MCTP2: variants seen among roughly 807,000 people sequenced by gnomAD.
MCTP2 encodes multiple C2 and transmembrane domain containing 2.
Under a neutral mutation model 111.6 loss-of-function variants are expected in MCTP2, and 132 were observed. The observed-to-expected ratio is 1.18, with a 90% confidence interval of 1.03 to 1.37. MCTP2 has a LOEUF of 1.37. MCTP2 is among the 40% of genes most tolerant of loss of function. The pLI, the probability that MCTP2 is intolerant of heterozygous loss-of-function variation, is 0.00. For missense variants in MCTP2, 1,183 were observed against 1,067.9 expected, an observed-to-expected ratio of 1.11 and a Z score of -1.50; for synonymous variants, 395 against 387.7, an observed-to-expected ratio of 1.02 and a Z score of -0.22.
At chr15:94,422,508 C>CA (rs1185624784) in intron 17 of MCTP2, among the ~76,000 whole-genome samples, 2 of 152,200 alleles carry the variant, frequency 1.3e-5, no homozygotes, top group Non-Finnish European at 2.9e-5. Flanking sequence ...CAGTGACTGT[C>CA]AGAGTGAAAC....
intron 1 of MCTP2, among the ~76,000 whole-genome samples, chr15:94,269,034 TA>T (rs1476858722): frequency 1.3e-5 from 2 of 152,202 alleles, no homozygotes; most frequent in African/African-American, 4.8e-5. Flanking sequence ...AGCATTATAC[TA>T]TTTTAATAAT....
chr15:94,446,673 G>A (rs1197814778), intron 19 of MCTP2, among the ~76,000 whole-genome samples: 1 of 152,144 alleles, frequency 6.6e-6, no homozygotes, highest in East Asian at 1.9e-4. Context: ...ATTAACATCA[G>A]GAAGAAGGAA....
intron 10 of MCTP2, among the ~76,000 whole-genome samples, chr15:94,361,564 C>T (rs1197312547): frequency 6.6e-6 from 1 of 152,156 alleles, no homozygotes; most frequent in Non-Finnish European, 1.5e-5. Context: ...CCCTTGCGCA[C>T]TCTGATGGTA....
intron 17 of MCTP2, among the ~76,000 whole-genome samples, chr15:94,436,396 A>G (rs904423794): frequency 1.5e-4 from 23 of 152,118 alleles, no homozygotes; most frequent in African/African-American, 5.3e-4. Flanking sequence ...TGGGGTTTAT[A>G]TTTGCTTTCC....
chr15:94,320,113 G>A (rs564149272), intron 4 of MCTP2, among the ~76,000 whole-genome samples: 3 of 149,540 alleles, frequency 2.0e-5, no homozygotes, highest in South Asian at 4.3e-4. Flanking sequence ...TCTTAGTGCT[G>A]TATTAGGAGG....
At chr15:94,266,227 A>G (rs1305709623) in intron 1 of MCTP2, among the ~76,000 whole-genome samples, 1 of 152,244 alleles carries the variant, frequency 6.6e-6, no homozygotes, top group Non-Finnish European at 1.5e-5. Context: ...TCACTGATCT[A>G]TGGATTATGT....
intron 1 of MCTP2, among the ~76,000 whole-genome samples, chr15:94,296,654 G>A (rs1596292316): frequency 6.6e-6 from 1 of 152,334 alleles, no homozygotes; most frequent in Middle Eastern, 3.4e-3. Context: ...ATCAGACACT[G>A]TGCTTTCTAC....
chr15:94,375,205 C>A (rs771576135), intron 12 of MCTP2, among the ~76,000 whole-genome samples: 2 of 152,114 alleles, frequency 1.3e-5, no homozygotes, highest in Admixed American at 1.3e-4. Context: ...ATAACCAGAT[C>A]TCTTGAGAAC....
At chr15:94,459,433 C>G (rs74031259) in intron 20 of MCTP2, among the ~76,000 whole-genome samples, 25,240 of 152,034 alleles carry the variant, frequency 0.17, 2,323 homozygotes, top group Non-Finnish European at 0.21. Flanking sequence ...CTCGAATGCC[C>G]ATTTATTATA....
intron 1 of MCTP2, among the ~76,000 whole-genome samples, chr15:94,294,109 C>T (rs2075151676): frequency 6.6e-6 from 1 of 152,178 alleles, no homozygotes; most frequent in Non-Finnish European, 1.5e-5. Context: ...AGAAGCCTGT[C>T]TCTAAAAGTT....
In MCTP2 at chr15:94,257,569, G is replaced by GTTTTTTTTTTTTTTTTTTTTTTTTT. The variant is rs760633548; in HGVS notation, c.-66+25916_-66+25940dup. Among the ~76,000 whole-genome samples, 117 of 33,804 alleles carry GTTTTTTTTTTTTTTTTTTTTTTTTT rather than the reference G, an allele frequency of 3.5e-3. 23 individuals carry two copies. Among genetic ancestry groups the GTTTTTTTTTTTTTTTTTTTTTTTTT allele is most frequent in the East Asian group, 4.9e-3 (5 of 1,020 alleles). 22.2% of individuals were successfully genotyped at this position (33,804 alleles called of 152,430 possible). ...AATATTTGTTGTCATTTTCTTTGTTGTTTTTTTTTTTTTTTTTTTTTTTTT... is the reference window on the plus strand; with the variant it reads ...AATATTTGTTGTCATTTTCTTTGTTGTTTTTTTTTTTTTTTTTTTTTTTTTTTTTTTTTTTTTTTTTTTTTTTTTT... On this transcript the variant is annotated intron_variant, in intron 1 of 22. Transcript: ENST00000357742.
intron 1 of MCTP2, among the ~76,000 whole-genome samples, chr15:94,236,094 T>C (rs1004224402): frequency 7.9e-5 from 12 of 152,162 alleles, no homozygotes; most frequent in African/African-American, 2.9e-4. Flanking sequence ...CATAGCGTCA[T>C]GATTAAGGGC....
chr15:94,318,739 G>A (rs1395705275), intron 4 of MCTP2, among the ~76,000 whole-genome samples: 2 of 152,172 alleles, frequency 1.3e-5, no homozygotes, highest in African/African-American at 2.4e-5. Flanking sequence ...ATTCCGAGTA[G>A]ATGGTCAGTA....
chr15:94,304,586 T>C (rs2075795318), intron 2 of MCTP2, among the ~76,000 whole-genome samples: 1 of 152,252 alleles, frequency 6.6e-6, no homozygotes, highest in South Asian at 2.1e-4. Context: ...TCTCAGGGCC[T>C]GGAAACACTT....
At chr15:94,450,334 A>G (rs293576) in intron 19 of MCTP2, among the ~76,000 whole-genome samples, 79,003 of 152,090 alleles carry the variant, frequency 0.52, 22,257 homozygotes, top group African/African-American at 0.75. Context: ...CGTTGACTCC[A>G]TGTGTGTGTG....
chr15:94,478,983 G>C lies in MCTP2; in HGVS notation c.2586G>C (p.Leu862Phe). ...TTTCACAGGTGCAGTATGCAGAATT[G>C]AAACTCTGCAGCAGCCACAGCCCCC... The part of the protein sequence containing the change: ...SDVQKVQYAE[L>F]KLCSSHSPLR... The change falls in exon 23 of 23, where the codon TTG becomes TTC. Residue 862 changes from leucine (L) to phenylalanine (F), a missense_variant. Physicochemically the swap from Leu to Phe is conservative, Grantham distance 22. Transcript: ENST00000357742. 3 of 1,614,020 alleles carry C rather than the reference G, an allele frequency of 1.9e-6. No individual in the cohort carries two copies. The highest frequency in any genetic ancestry group is 2.5e-6 in the Non-Finnish European group (3 of 1,179,986).
Position 94,387,337 on chromosome 15 carries a change from A to G in MCTP2, c.1788+1812A>G, listed in dbSNP as rs7183583. On this transcript the variant is annotated intron_variant, in intron 14 of 22. Coordinates refer to ENST00000357742, the MANE Select transcript of MCTP2 (RefSeq NM_001385001.1). ...TGACCTCTACACACTAGATAACAGT[A>G]ACGCCTGCCCACATCCCTGCTGTGA... 9.2e-3 allele frequency among the ~76,000 whole-genome samples: 1,405 copies of G among 152,012 alleles called. 17 individuals are homozygous for G. The highest frequency in any genetic ancestry group is 0.032 in the African/African-American group (1,319 of 41,430).
chr15:94,233,320 A>C (rs2152201734), intron 1 of MCTP2, among the ~76,000 whole-genome samples: 1 of 152,206 alleles, frequency 6.6e-6, no homozygotes, highest in South Asian at 2.1e-4. Flanking sequence ...TTAAAAGATA[A>C]AATTTATTAT....
intron 16 of MCTP2, among the ~76,000 whole-genome samples, chr15:94,401,091 C>A (rs1258050996): frequency 6.6e-6 from 1 of 152,094 alleles, no homozygotes; most frequent in Non-Finnish European, 1.5e-5. Context: ...GGGAGAGAGA[C>A]ATTTCCTTTG....
Sources: gnomAD v4.1 joint callset for allele counts (sites outside exome capture counted in the v4.1 genomes callset) on GRCh38, gnomAD v4.1.1 for gene constraint, MANE v1.5 for transcripts, NCBI Gene and HGNC (gene_info 2026-07-23, HGNC 2026-07-21) for gene names.